SLC37A1: variants seen among roughly 807,000 people sequenced by gnomAD.
SLC37A1 encodes the protein solute carrier family 37 member 1.
Under a neutral mutation model 75.3 loss-of-function variants are expected in SLC37A1, and 49 were observed. That is an observed-to-expected ratio of 0.65 (90% CI 0.52 to 0.83). SLC37A1 has a LOEUF of 0.83. Among genes scored for constraint, SLC37A1 ranks in the 40% least tolerant of loss-of-function variants. SLC37A1 has a pLI of 0.00. For missense variants in SLC37A1, 566 were observed against 695.0 expected, an observed-to-expected ratio of 0.81 and a Z score of 2.09; for synonymous variants, 268 against 292.1, an observed-to-expected ratio of 0.92 and a Z score of 0.84.
intron 3 of SLC37A1, 168 bp downstream of exon 3, chr21:42,526,025 G>T: frequency 1.8e-6 from 1 of 560,700 alleles, no homozygotes. Context: ...TAAAATTAAA[G>T]TCTTTTAAAT....
intron 15 of SLC37A1, 25 bp downstream of exon 15, chr21:42,565,900 T>C: frequency 6.2e-7 from 1 of 1,608,406 alleles, no homozygotes; most frequent in South Asian, 1.1e-5. Flanking sequence ...CTTCCTGCTT[T>C]TCTTCCACAC....
intron 2 of SLC37A1, among the ~76,000 whole-genome samples, chr21:42,522,790 T>C (rs991149335): frequency 6.6e-6 from 1 of 152,090 alleles, no homozygotes; most frequent in Non-Finnish European, 1.5e-5. Context: ...TCCCAAAGGG[T>C]CTCATTCATT....
intron 11 of SLC37A1, 60 bp downstream of exon 11, chr21:42,559,149 C>T (rs2055763170): frequency 6.4e-7 from 1 of 1,568,056 alleles, no homozygotes; most frequent in Non-Finnish European, 8.6e-7. Context: ...TGTGGGAAGT[C>T]TGGTCGGTTG....
chr21:42,523,189 CT>C (rs1205981420), intron 2 of SLC37A1, among the ~76,000 whole-genome samples: 7 of 152,360 alleles, frequency 4.6e-5, no homozygotes, highest in Admixed American at 4.6e-4. Context: ...GAGAATCCTC[CT>C]GCATGGAGCA....
At chr21:42,504,386 C>T (rs983339815) in intron 2 of SLC37A1, among the ~76,000 whole-genome samples, 1 of 152,090 alleles carries the variant, frequency 6.6e-6, no homozygotes, top group African/African-American at 2.4e-5. Flanking sequence ...GTTTTCTTCA[C>T]CTTAATCCTG....
At position 42,521,096 on chromosome 21, in the gene SLC37A1, G is replaced by A. The variant is rs895265347; in HGVS notation, c.56+2586G>A. 6.6e-5 allele frequency among the ~76,000 whole-genome samples: 10 copies of A among 152,310 alleles called. No homozygotes were observed. In the South Asian group the frequency reaches 1.0e-3, roughly 16 times the overall value. On this transcript the variant is annotated intron_variant, in intron 2 of 19. Transcript: ENST00000352133. ...ACCCAGCGCAGGCACAGAACGCCAT[G>A]GATGCACCCCGTGGGGCGGCAGCTT...
At chr21:42,558,826 C>T (rs2055753238) in intron 10 of SLC37A1, 132 bp from the exon 11 acceptor site, 2 of 1,103,408 alleles carry the variant, frequency 1.8e-6, no homozygotes, top group Non-Finnish European at 2.6e-6. Flanking sequence ...GGAATGTCAC[C>T]CAGGATGTCT....
intron 5 of SLC37A1, among the ~76,000 whole-genome samples, chr21:42,536,771 G>C (rs2055148134): frequency 6.6e-6 from 1 of 152,174 alleles, no homozygotes; most frequent in Non-Finnish European, 1.5e-5. Context: ...TCTCACAATA[G>C]CTCATCAGTC....
intron 2 of SLC37A1, among the ~76,000 whole-genome samples, chr21:42,506,291 A>C (rs1349409105): frequency 6.6e-6 from 1 of 152,226 alleles, no homozygotes; most frequent in Non-Finnish European, 1.5e-5. Context: ...ATTTATATTA[A>C]GGATGGTGAG....
At position 42,558,970 on chromosome 21, in the gene SLC37A1, C is replaced by T. The variant is rs1202092504; in HGVS notation, c.862C>T (p.Gln288Ter). Residue 288 changes from glutamine to a stop codon, truncating the protein, a stop_gained, in exon 11 of 20, where the codon CAG (glutamine) becomes TAG (stop). Transcript: ENST00000352133. LOFTEE classifies it high-confidence loss of function. ...GATTTGCCTCCAGGACCCAGAGATG[C>T]AGTGCCTGCTGCTCTCAGATGGGAA... is the stretch of plus-strand genomic sequence containing the variant. ...EKNKPLDPEM[Q>*]CLLLSDGKGS... 3.1e-6 allele frequency: 5 copies of T among 1,613,822 alleles called. No homozygotes were observed. The Admixed American group carries it at 6.7e-5, about 22-fold the overall frequency.
rs192542442 is a variant in SLC37A1 at position 42,576,083 on chromosome 21, T to C, written c.1521+1168T>C. On this transcript the variant is annotated intron_variant, in intron 18 of 19. Coordinates refer to ENST00000352133, the MANE Select transcript of SLC37A1 (RefSeq NM_001320537.2). ...GCCAGAATTGTAAAGGCAATATAAA[T>C]ACACAAGCTCAGGAATCAACGGGTT... is the stretch of plus-strand genomic sequence containing the variant. 8.1e-4 allele frequency: 379 copies of C among 468,758 alleles called. 1 individual carries two copies. Among genetic ancestry groups the C allele is most frequent in the African/African-American group, 7.4e-3 (349 of 47,016 alleles). The allele number at this position is 468,758 out of a possible 1,614,324, so 29.0% of individuals were successfully genotyped here.
intron 2 of SLC37A1, among the ~76,000 whole-genome samples, chr21:42,519,294 G>A (rs1601663328): frequency 6.6e-6 from 1 of 152,336 alleles, no homozygotes; most frequent in East Asian, 1.9e-4. Flanking sequence ...GAAGGGGAGT[G>A]AGAGAAAGGT....
At chr21:42,565,043 T>C (rs1601759051) in intron 14 of SLC37A1, among the ~76,000 whole-genome samples, 1 of 152,266 alleles carries the variant, frequency 6.6e-6, no homozygotes, top group African/African-American at 2.4e-5. Flanking sequence ...CTCTTTGGGG[T>C]GCCCCCTTGC....
intron 17 of SLC37A1, among the ~76,000 whole-genome samples, chr21:42,571,589 G>A (rs9941834): frequency 0.05 from 7,541 of 151,876 alleles, 595 homozygotes; most frequent in African/African-American, 0.17. Context: ...GCTTACCTAC[G>A]TATTTCCATG....
intron 2 of SLC37A1, among the ~76,000 whole-genome samples, chr21:42,504,265 T>C (rs569133072): frequency 7.6e-4 from 115 of 152,114 alleles, no homozygotes; most frequent in Non-Finnish European, 1.5e-3. Context: ...CCTGGTCATT[T>C]TGGGTCATCT....
intron 1 of SLC37A1, 142 bp from the exon 2 acceptor site, chr21:42,518,135 G>A (rs150272800): frequency 4.1e-5 from 14 of 340,674 alleles, no homozygotes; most frequent in East Asian, 1.9e-4. Flanking sequence ...CACTGCTGGT[G>A]GGGGCCCCTG....
chr21:42,541,514 A>G (rs981814021), intron 6 of SLC37A1, among the ~76,000 whole-genome samples: 1 of 152,216 alleles, frequency 6.6e-6, no homozygotes, highest in Non-Finnish European at 1.5e-5. Flanking sequence ...GTCCTCAGCA[A>G]TACATTCCCC....
chr21:42,563,817 C>T lies in SLC37A1; in HGVS notation c.1075C>T (p.His359Tyr). The change falls in exon 13 of 20, where the codon CAC becomes TAC. Residue 359 changes from histidine (H) to tyrosine (Y), a missense_variant and splice_region_variant. Coordinates refer to ENST00000352133, the MANE Select transcript of SLC37A1 (RefSeq NM_001320537.2). ...WLPLYITNVD[H>Y]LDAKKAGELS... ...ACACTCCGTTGTCATTTCAATAGAT[C>T]ACCTTGATGCCAAAAAGGCGGGGGA... 5 of 1,614,160 alleles carry T rather than the reference C, an allele frequency of 3.1e-6. No individual in the cohort carries two copies. In the South Asian group the frequency reaches 3.3e-5, roughly 11 times the overall value.
At chr21:42,562,049 A>T (rs778279385) in intron 11 of SLC37A1, 29 bp from the exon 12 acceptor site, 1 of 1,583,434 alleles carries the variant, frequency 6.3e-7, no homozygotes, top group Non-Finnish European at 8.7e-7. Context: ...CCACATTTGG[A>T]GGAGACGCCT....
Sources: allele counts gnomAD v4.1 joint callset (sites outside exome capture counted in the v4.1 genomes callset), GRCh38; gene constraint gnomAD v4.1.1; transcripts MANE v1.5; gene names NCBI Gene and HGNC (gene_info 2026-07-23, HGNC 2026-07-21).